The following SETD7 variants were observed in gnomAD, a reference collection of about 807,000 sequenced individuals.
SETD7 encodes histone-lysine N-methyltransferase SETD7.
A neutral mutation model predicts 41.8 loss-of-function variants in SETD7; 16 were observed. The observed-to-expected ratio is 0.38, with a 90% confidence interval of 0.26 to 0.58. The LOEUF is 0.58. Ranked by LOEUF, SETD7 falls within the 20% of genes least tolerant of loss-of-function variation. The pLI is 0.64. For synonymous variants in SETD7, 163 were observed against 169.7 expected (o/e 0.96, Z 0.31); for missense variants, 346 against 459.7 (o/e 0.75, Z 2.26).
At chr4:139,532,891 A>C in intron 3 of SETD7, 1 of 534,462 alleles carries the variant, frequency 1.9e-6, no homozygotes, top group South Asian at 2.6e-5. Flanking sequence ...TTAGTGATAC[A>C]ATAAAACCAA....
downstream of SETD7, among the ~76,000 whole-genome samples, chr4:139,503,235 A>G (rs1484793400): frequency 6.6e-6 from 1 of 151,754 alleles, no homozygotes; most frequent in African/African-American, 2.4e-5. Context: ...ATTGGATCAA[A>G]GAGGGACCCA....
At chr4:139,523,003 C>T (rs1437762283) in intron 5 of SETD7, among the ~76,000 whole-genome samples, 2 of 152,134 alleles carry the variant, frequency 1.3e-5, no homozygotes, top group Non-Finnish European at 2.9e-5. Flanking sequence ...ATCCGCCCGC[C>T]TTGGCCTCCC....
In SETD7 at chr4:139,508,905, C is replaced by T. The variant is rs1579199096; in HGVS notation, c.*2758G>A. On this transcript the variant is annotated 3_prime_UTR_variant, in exon 8 of 8. Transcript: ENST00000274031. ...TTGACTTCTTTCCCTACCTACAGAA[C>T]TCAGTGAATCTCAAGCCTTACTCCG... is the stretch of plus-strand genomic sequence containing the variant. The T allele has an allele frequency of 6.6e-6, 1 of 152,300 alleles. No homozygotes were observed. 9.4% of individuals were successfully genotyped at this position (152,300 alleles called of 1,614,324 possible).
At chr4:139,524,178 A>C (rs1220047875) in intron 4 of SETD7, among the ~76,000 whole-genome samples, 1 of 152,208 alleles carries the variant, frequency 6.6e-6, no homozygotes, top group East Asian at 1.9e-4. Flanking sequence ...CCCATTAAGC[A>C]ATTCTTCAGT....
intron 2 of SETD7, 106 bp from the exon 3 acceptor site, chr4:139,533,472 A>AC: frequency 1.1e-6 from 1 of 952,054 alleles, no homozygotes. Context: ...GTCAGCCCTG[A>AC]CATGGATTCA....
chr4:139,496,415 C>T, exon 8 of SETD7: 1 of 702,452 alleles, frequency 1.4e-6, no homozygotes, highest in Non-Finnish European at 2.6e-6. Flanking sequence ...AGAGGAATGC[C>T]AGCTTTTCTG....
chr4:139,514,708 C>T (rs936981877), intron 7 of SETD7, among the ~76,000 whole-genome samples: 34 of 152,310 alleles, frequency 2.2e-4, no homozygotes, highest in Admixed American at 9.8e-4. Context: ...GGTCTATAAA[C>T]GTGAGCTACA....
intron 2 of SETD7, among the ~76,000 whole-genome samples, chr4:139,538,582 G>A (rs1727703050): frequency 1.3e-5 from 2 of 152,240 alleles, no homozygotes; most frequent in African/African-American, 4.8e-5. Context: ...ACCCGCCTCA[G>A]CCTGTGCTAG....
intron 7 of SETD7, among the ~76,000 whole-genome samples, chr4:139,500,275 C>A (rs959602032): frequency 6.6e-6 from 1 of 152,114 alleles, no homozygotes; most frequent in African/African-American, 2.4e-5. Context: ...CTCACCATGG[C>A]CCCTCTGTCC....
chr4:139,525,132 T>C (rs961298613), intron 4 of SETD7, among the ~76,000 whole-genome samples: 1 of 152,184 alleles, frequency 6.6e-6, no homozygotes, highest in African/African-American at 2.4e-5. Context: ...TTTTTATAAA[T>C]AACCAAAATT....
intron 1 of SETD7, among the ~76,000 whole-genome samples, chr4:139,548,547 G>T (rs1478398231): frequency 6.6e-6 from 1 of 152,150 alleles, no homozygotes. Flanking sequence ...CAGGAGAATC[G>T]CTTGAACCCA....
chr4:139,535,279 C>A (rs1727607003), intron 2 of SETD7, among the ~76,000 whole-genome samples: 2 of 152,154 alleles, frequency 1.3e-5, no homozygotes, highest in Non-Finnish European at 2.9e-5. Flanking sequence ...AGATAAACAA[C>A]AAATAATTTT....
chr4:139,503,004 CCT>C (rs1475284870), downstream of SETD7, among the ~76,000 whole-genome samples: 3 of 151,578 alleles, frequency 2.0e-5, no homozygotes, highest in African/African-American at 7.3e-5. Flanking sequence ...GCGGTGAAAC[CCT>C]GTCTCTACCA....
At chr4:139,543,174 G>A (rs1217079837) in intron 2 of SETD7, among the ~76,000 whole-genome samples, 1 of 152,204 alleles carries the variant, frequency 6.6e-6, no homozygotes, top group Non-Finnish European at 1.5e-5. Flanking sequence ...AAAGGTTGAT[G>A]ACTGACAATA....
rs1728224160 is a variant in SETD7 at position 139,555,221 on chromosome 4, A to C, written c.40+877T>G. On this transcript the variant is annotated intron_variant, in intron 1 of 7. Transcript: ENST00000274031. This position sits in a 1 kb window ranked among gnomAD's most constrained non-coding sequence, Gnocchi z 4.0. ...AAAAGGTGGAGAAACTCAGCAAAAC[A>C]AAGTGGCGAGAAAAGTCGGGGGAGG... Among the ~76,000 whole-genome samples the C allele has an allele frequency of 6.6e-6, 1 of 151,024 alleles. No homozygotes were observed. Among genetic ancestry groups the C allele is most frequent in the South Asian group, 2.1e-4 (1 of 4,808 alleles).
At chr4:139,539,400 C>G (rs1727725508) in intron 2 of SETD7, among the ~76,000 whole-genome samples, 1 of 152,184 alleles carries the variant, frequency 6.6e-6, no homozygotes, top group Admixed American at 6.5e-5. Context: ...GGAGATGCAA[C>G]CCATCTGCTA....
downstream of SETD7, among the ~76,000 whole-genome samples, chr4:139,501,984 G>A (rs755764618): frequency 2.6e-5 from 4 of 152,170 alleles, no homozygotes; most frequent in African/African-American, 4.8e-5. Flanking sequence ...CAATCCATGG[G>A]TCAAAACTCA....
At chr4:139,500,599 C>T (rs961451915) in intron 7 of SETD7, among the ~76,000 whole-genome samples, 1 of 152,164 alleles carries the variant, frequency 6.6e-6, no homozygotes, top group African/African-American at 2.4e-5. Context: ...ACCTCCGCCT[C>T]CCAGTTTCAA....
chr4:139,536,997 T>C (rs1727657597), intron 2 of SETD7, among the ~76,000 whole-genome samples: 1 of 152,072 alleles, frequency 6.6e-6, no homozygotes, highest in Admixed American at 6.5e-5. Context: ...TTTTTTGAGA[T>C]GGAGTTTCAC....
Sources: gnomAD v4.1 joint callset for allele counts (sites outside exome capture counted in the v4.1 genomes callset) on GRCh38, gnomAD v4.1.1 for gene constraint, Gnocchi (gnomAD v3.1) non-coding constraint, MANE v1.5 for transcripts, NCBI Gene and HGNC (gene_info 2026-07-23, HGNC 2026-07-21) for gene names.